Variants in ANKRD35 observed in about 807,000 individuals in gnomAD.
ANKRD35 encodes ankyrin repeat domain-containing protein 35.
Under a neutral mutation model 109.9 loss-of-function variants are expected in ANKRD35, and 102 were observed. The observed-to-expected ratio is 0.93, with a 90% CI of 0.79 to 1.09. The LOEUF (loss-of-function observed/expected upper bound fraction) is 1.09. ANKRD35 is among the 50% of genes least tolerant of loss of function. The pLI is 0.00. For synonymous variants in ANKRD35, 515 were observed against 512.4 expected (o/e 1.01, Z -0.07); for missense variants, 1,240 against 1,230.1 (o/e 1.01, Z -0.12).
At chr1:145,871,121 TTTTCTTTC>T (rs146033160) in intron 10 of ANKRD35, among the ~76,000 whole-genome samples, 2 of 112,454 alleles carry the variant, frequency 1.8e-5, no homozygotes, top group African/African-American at 6.7e-5. Flanking sequence ...TTCAAGCTTT[TTTTCTTTC>T]TTTCTTTCTT....
At chr1:145,881,103 T>C (rs1553741039) in intron 1 of ANKRD35, among the ~76,000 whole-genome samples, 1 of 152,172 alleles carries the variant, frequency 6.6e-6, no homozygotes, top group Non-Finnish European at 1.5e-5. Flanking sequence ...TTGGCCAACA[T>C]GGTGAAACCC....
chr1:145,885,547 C>T (rs1007952713), intron 1 of ANKRD35, among the ~76,000 whole-genome samples, 173 bp downstream of exon 1: 1 of 152,054 alleles, frequency 6.6e-6, no homozygotes, highest in African/African-American at 2.4e-5. Flanking sequence ...AAGTCAGAAG[C>T]TGCAGGGCAG....
chr1:145,870,631 A>T (rs938544616), intron 10 of ANKRD35, among the ~76,000 whole-genome samples: 1 of 152,154 alleles, frequency 6.6e-6, no homozygotes, highest in Non-Finnish European at 1.5e-5. Flanking sequence ...AATTAACCTC[A>T]ACCCGCACTG....
In ANKRD35 at chr1:145,873,001, C is replaced by T. The variant is rs1553739187; in HGVS notation, c.1768G>A (p.Gly590Arg). The change falls in exon 10 of 14, where the codon GGG becomes AGG. Residue 590 changes from glycine to arginine, a missense_variant. Transcript: ENST00000355594. Reference sequence around the variant, plus strand: ...GCCCCTAGAGGCTCTCCTTGAGCCCCAGGAACCCTTTTCTCCTTCTCTTCA... The same window carrying T: ...GCCCCTAGAGGCTCTCCTTGAGCCCTAGGAACCCTTTTCTCCTTCTCTTCA... ...QDEEKEKRVP[G>R]AQGEPLGALG... is the part of the protein sequence containing the mutation. 1 of 1,610,356 alleles carries T rather than the reference C, an allele frequency of 6.2e-7. No homozygotes were observed. Among genetic ancestry groups the T allele is most frequent in the Non-Finnish European group, 8.5e-7 (1 of 1,178,486 alleles).
chr1:145,867,880 G>A (rs376344198), intron 12 of ANKRD35, 111 bp downstream of exon 12: 26 of 1,053,586 alleles, frequency 2.5e-5, no homozygotes, highest in East Asian at 4.8e-5. Flanking sequence ...CCAGCTTTCC[G>A]AGAAACAGCA....
chr1:145,878,392 A>G lies in ANKRD35; in HGVS notation c.258T>C (p.Asp86=), dbSNP rs1352059312. The part of the protein sequence containing the change: ...NGADINSKNE[D]GSTALHLATI... ...GGCCCAGTGCTCCGGCTCACTCACC[A>G]TCCTCATTCTTGCTGTTGATGTCAG... is the stretch of plus-strand genomic sequence containing the variant. The change falls in exon 3 of 14, where the codon GAT becomes GAC. Residue 86 remains aspartate (D), a splice_region_variant and synonymous_variant. Transcript: ENST00000355594. The G allele has an allele frequency of 8.3e-6, 13 of 1,564,882 alleles. No homozygotes were observed. The Admixed American group carries it at 2.5e-4, about 30-fold the overall frequency.
chr1:145,877,908 T>C lies in ANKRD35; in HGVS notation c.324+60A>G. 4 of 1,521,256 alleles carry C rather than the reference T, an allele frequency of 2.6e-6. No homozygotes were observed. The South Asian group carries it at 4.5e-5, about 17-fold the overall frequency. The allele number at this position is 1,521,256 out of a possible 1,614,324, so 94.2% of individuals were successfully genotyped here. On this transcript the variant is annotated intron_variant, in intron 4 of 13. Coordinates refer to ENST00000355594, the MANE Select transcript of ANKRD35 (RefSeq NM_144698.5). The stretch of plus-strand genomic sequence containing the variant: ...ATTCCTTTTAAGTATGAAATGAAGT[T>C]AGAAAACTCTGGGACCACTTCTTCC...
chr1:145,872,019 T>C lies in ANKRD35; in HGVS notation c.2750A>G (p.Glu917Gly). Residue 917 changes from glutamate to glycine, a missense_variant, in exon 10 of 14, where the codon GAG becomes GGG. Glu to Gly is a moderately conservative substitution (Grantham distance 98). Transcript: ENST00000355594. The part of the protein sequence containing the change: ...KTAELLKEKM[E>G]HLIGACRDKE... ...GTCTCGGCAAGCCCCAATGAGATGC[T>C]CCATCTTCTCTTTCAGCAGCTCTGC... The C allele has an allele frequency of 6.2e-7, 1 of 1,613,042 alleles. No individual in the cohort carries two copies. Among genetic ancestry groups the C allele is most frequent in the Non-Finnish European group, 8.5e-7 (1 of 1,179,960 alleles).
rs782801481 is a variant in ANKRD35 at position 145,873,663 on chromosome 1, A to G, written c.1106T>C (p.Met369Thr). The G allele has an allele frequency of 1.6e-5, 26 of 1,613,982 alleles. No individual in the cohort carries two copies. The highest frequency in any genetic ancestry group is 2.7e-5 in the African/African-American group (2 of 74,928). ...CAGGTCCTTAGGACAACCCTGCTCC[A>G]TGCCATCCCCTCCAGGCCGGAGACT... The part of the protein sequence containing the change: ...GSSLRPGGDG[M>T]EQGCPKDLLA... Residue 369 changes from methionine to threonine, a missense_variant, in exon 10 of 14, where the codon ATG (methionine) becomes ACG (threonine). Transcript: ENST00000355594.
intron 10 of ANKRD35, among the ~76,000 whole-genome samples, chr1:145,871,734 C>A (rs1394790314): frequency 1.3e-5 from 2 of 152,168 alleles, no homozygotes; most frequent in Non-Finnish European, 2.9e-5. Context: ...GCTTCTGAAT[C>A]TGGGTGCCAA....
rs1553738780 is a variant in ANKRD35 at position 145,872,103 on chromosome 1, G to A, written c.2666C>T (p.Ala889Val). The change falls in exon 10 of 14, where the codon GCC becomes GTC. Residue 889 changes from alanine (A) to valine (V), a missense_variant. Physicochemically the swap from Ala to Val is moderately conservative, Grantham distance 64. Coordinates refer to ENST00000355594, the MANE Select transcript of ANKRD35 (RefSeq NM_144698.5). ...RRSGDLAAQA[A>V]EQERQASEMR... ...CTCGCTGGCCTGGCGCTCTTGTTCG[G>A]CTGCCTGAGCGGCCAGGTCCCCGCT... The A allele has an allele frequency of 6.2e-7, 1 of 1,612,758 alleles. No homozygotes were observed. The highest frequency in any genetic ancestry group is 1.1e-5 in the South Asian group (1 of 90,982).
Position 145,873,011 on chromosome 1 carries a change from T to C in ANKRD35, c.1758A>G (p.Lys586=), listed in dbSNP as rs1653904118. 6.2e-7 allele frequency: 1 copy of C among 1,610,830 alleles called. No homozygotes were observed. The highest frequency in any genetic ancestry group is 8.5e-7 in the Non-Finnish European group (1 of 1,178,630). ...GSIKQDEEKE[K]RVPGAQGEPL... is the part of the protein sequence containing the mutation. ...GCTCTCCTTGAGCCCCAGGAACCCT[T>C]TTCTCCTTCTCTTCATCCTGTTTGA... is the stretch of plus-strand genomic sequence containing the variant. The change falls in exon 10 of 14, where the codon AAA becomes AAG. Residue 586 remains lysine (K), a synonymous_variant. Coordinates refer to ENST00000355594, the MANE Select transcript of ANKRD35 (RefSeq NM_144698.5).
chr1:145,867,410 G>T lies in ANKRD35; in HGVS notation c.2944-18C>A. 1 of 1,610,256 alleles carries T rather than the reference G, an allele frequency of 6.2e-7. No individual in the cohort carries two copies. The highest frequency in any genetic ancestry group is 2.2e-5 in the East Asian group (1 of 44,844). On this transcript the variant is annotated intron_variant, in intron 12 of 13. Transcript: ENST00000355594. The stretch of plus-strand genomic sequence containing the variant: ...ATGTAACCCTGTAGATGTCAGGAAA[G>T]GAAGAAAAGGAGATGAAGAACAGAA...
intron 1 of ANKRD35, among the ~76,000 whole-genome samples, chr1:145,882,854 A>G (rs1314930546): frequency 6.6e-6 from 1 of 152,196 alleles, no homozygotes; most frequent in Admixed American, 6.5e-5. Context: ...CTCAATAAGT[A>G]TAAGCTTTGT....
rs781908995 is a variant in ANKRD35 at position 145,872,397 on chromosome 1, TC to T, written c.2371del (p.Glu791LysfsTer10). 5.0e-6 allele frequency: 8 copies of T among 1,613,218 alleles called. No homozygotes were observed. The highest frequency in any genetic ancestry group is 6.8e-6 in the Non-Finnish European group (8 of 1,179,750). On this transcript the variant is annotated frameshift_variant, in exon 10 of 14. Coordinates refer to ENST00000355594, the MANE Select transcript of ANKRD35 (RefSeq NM_144698.5). LOFTEE classifies it high-confidence loss of function. ...CGTGGCCTGAACTGCCCGCAGCTCTTCCTCCAGCTTCCCCAGGTCTTGCTCC... is the reference window on the plus strand; with the variant it reads ...CGTGGCCTGAACTGCCCGCAGCTCTTCTCCAGCTTCCCCAGGTCTTGCTCC... ...ALEQDLGKLE[E>X]ELRAVQATMS...
intron 3 of ANKRD35, 148 bp downstream of exon 3, chr1:145,878,243 G>C: frequency 1.1e-6 from 1 of 935,958 alleles, no homozygotes; most frequent in Non-Finnish European, 1.7e-6. Flanking sequence ...ACGGGGAGGG[G>C]AACTCCTGGA....
Position 145,872,893 on chromosome 1 carries a change from T to G in ANKRD35, c.1876A>C (p.Asn626His), listed in dbSNP as rs1337643333. The G allele has an allele frequency of 1.2e-6, 2 of 1,614,012 alleles. No homozygotes were observed. Among genetic ancestry groups the G allele is most frequent in the African/African-American group, 2.7e-5 (2 of 74,944 alleles). Residue 626 changes from asparagine (N) to histidine (H), a missense_variant, in exon 10 of 14, where the codon AAC becomes CAC. Coordinates refer to ENST00000355594, the MANE Select transcript of ANKRD35 (RefSeq NM_144698.5). ...EMSVLRLSNS[N>H]LLEELGELGR... ...AACTCCCCTAACTCCTCCAGCAAGT[T>G]ACTGTTGCTCAGTCTCAGTACTGAC... is the stretch of plus-strand genomic sequence containing the variant.
chr1:145,877,392 C>T (rs1472827799), intron 4 of ANKRD35, among the ~76,000 whole-genome samples: 1 of 152,012 alleles, frequency 6.6e-6, no homozygotes, highest in East Asian at 1.9e-4. Flanking sequence ...GCCACCACAC[C>T]CAGCTAATCT....
rs782380320 is a variant in ANKRD35, at chr1:145,872,183, C to T, written c.2586G>A (p.Thr862=). 3 of 1,607,874 alleles carry T rather than the reference C, an allele frequency of 1.9e-6. No homozygotes were observed. The highest frequency in any genetic ancestry group is 3.4e-5 in the Admixed American group (2 of 58,832). Residue 862 remains threonine (T), a synonymous_variant, in exon 10 of 14, where the codon ACG becomes ACA. Coordinates refer to ENST00000355594, the MANE Select transcript of ANKRD35 (RefSeq NM_144698.5). The part of the protein sequence containing the change: ...ELKALLEKYN[T]ACREVGRLRE... The stretch of plus-strand genomic sequence containing the variant: ...GCAGCCGACCCACTTCCCGGCAGGC[C>T]GTATTATACTTTTCCAACAGAGCCT...
Sources: allele counts gnomAD v4.1 joint callset (sites outside exome capture counted in the v4.1 genomes callset), GRCh38; gene constraint gnomAD v4.1.1; transcripts MANE v1.5; gene names NCBI Gene and HGNC (gene_info 2026-07-23, HGNC 2026-07-21).